The following CCDC6 variants were observed in gnomAD, a reference collection of about 807,000 sequenced individuals.
CCDC6 encodes the protein coiled-coil domain containing 6, also known as coiled-coil domain-containing protein 6.
CCDC6 carries 20 observed loss-of-function variants against 56.6 expected under a neutral mutation model. That is an observed-to-expected ratio of 0.35 (90% confidence interval 0.25 to 0.51). The LOEUF (loss-of-function observed/expected upper bound fraction) is 0.51. CCDC6 is among the 20% of genes least tolerant of loss of function. The pLI, the probability that CCDC6 is intolerant of heterozygous loss-of-function variation, is 0.95. For missense variants in CCDC6, 367 were observed against 601.1 expected (o/e 0.61, Z 4.07); for synonymous variants, 241 against 234.4 (o/e 1.03, Z -0.26).
At chr10:59,878,366 T>C (rs1039505641) in intron 1 of CCDC6, among the ~76,000 whole-genome samples, 16 of 152,200 alleles carry the variant, frequency 1.1e-4, no homozygotes, top group African/African-American at 3.9e-4. Flanking sequence ...GTCTGAGTTT[T>C]GATTCCATTT....
intron 1 of CCDC6, among the ~76,000 whole-genome samples, chr10:59,874,285 G>A (rs2132670686): frequency 6.6e-6 from 1 of 152,124 alleles, no homozygotes; most frequent in South Asian, 2.1e-4. Context: ...TGTTTTCTTT[G>A]GCACTAAACT....
intron 2 of CCDC6, among the ~76,000 whole-genome samples, chr10:59,847,470 T>C (rs1344639147): frequency 6.6e-6 from 1 of 152,174 alleles, no homozygotes; most frequent in Non-Finnish European, 1.5e-5. Context: ...ATACTAGTTC[T>C]TAATGATGTG....
intron 1 of CCDC6, among the ~76,000 whole-genome samples, chr10:59,888,311 C>T (rs1483230926): frequency 1.3e-5 from 2 of 152,240 alleles, no homozygotes; most frequent in African/African-American, 4.8e-5. Context: ...GCTGGCTGCA[C>T]AGGATGCCTC....
At chr10:59,883,262 C>T (rs1170592750) in intron 1 of CCDC6, among the ~76,000 whole-genome samples, 1 of 152,068 alleles carries the variant, frequency 6.6e-6, no homozygotes, top group Non-Finnish European at 1.5e-5. Context: ...TAAAGTATAG[C>T]AATGAGTGAA....
intron 2 of CCDC6, among the ~76,000 whole-genome samples, chr10:59,843,128 T>C (rs1192153385): frequency 6.6e-6 from 1 of 152,084 alleles, no homozygotes; most frequent in Non-Finnish European, 1.5e-5. Flanking sequence ...CCTCGTGATC[T>C]GCCCGCCTCA....
chr10:59,838,200 C>G (rs1349558705), intron 2 of CCDC6, among the ~76,000 whole-genome samples: 1 of 150,416 alleles, frequency 6.6e-6, no homozygotes, highest in Non-Finnish European at 1.5e-5. Context: ...GTTACCAAGG[C>G]CCATGAAGTC....
rs1333543672 is a variant in CCDC6, at chr10:59,887,003, A to G, written c.303+19119T>C. ...CTCTGACAGTGTAGTATGGGGCCAC[A>G]TATCTCTCATATCCTACTAATGGAA... On this transcript the variant is annotated intron_variant, in intron 1 of 8. Transcript: ENST00000263102. Among the ~76,000 whole-genome samples the G allele has an allele frequency of 2.0e-5, 3 of 152,220 alleles. No homozygotes were observed. The East Asian group carries it at 5.8e-4, about 29-fold the overall frequency.
intron 1 of CCDC6, among the ~76,000 whole-genome samples, chr10:59,881,390 T>G (rs1480465433): frequency 6.6e-6 from 1 of 152,082 alleles, no homozygotes; most frequent in Non-Finnish European, 1.5e-5. Context: ...TGTTGGGGCT[T>G]CACATGGGGG....
intron 2 of CCDC6, among the ~76,000 whole-genome samples, chr10:59,851,045 T>C (rs540127184): frequency 1.3e-4 from 18 of 136,432 alleles, no homozygotes; most frequent in Admixed American, 3.4e-4. Context: ...TGGAGATACA[T>C]AGAGAAAAGG....
At chr10:59,898,024 C>T (rs1302598825) in intron 1 of CCDC6, among the ~76,000 whole-genome samples, 1 of 152,188 alleles carries the variant, frequency 6.6e-6, no homozygotes, top group Admixed American at 6.5e-5. Context: ...GGAAGATTAG[C>T]CCATCAATCA....
chr10:59,873,576 T>A (rs1416084453), intron 1 of CCDC6, among the ~76,000 whole-genome samples: 7 of 152,102 alleles, frequency 4.6e-5, no homozygotes, highest in African/African-American at 1.7e-4. Flanking sequence ...ACTCAGTCTG[T>A]GAAACATTGT....
chr10:59,870,275 C>A (rs1305061267), intron 1 of CCDC6, among the ~76,000 whole-genome samples: 1 of 152,122 alleles, frequency 6.6e-6, no homozygotes, highest in Non-Finnish European at 1.5e-5. Flanking sequence ...TCTCCCCACC[C>A]GCCTCTGCTG....
chr10:59,822,195 G>A (rs1429347626), intron 3 of CCDC6, among the ~76,000 whole-genome samples: 1 of 152,040 alleles, frequency 6.6e-6, no homozygotes, highest in Non-Finnish European at 1.5e-5. Flanking sequence ...AATTAGATTT[G>A]TTCTTTGAAA....
At chr10:59,853,853 C>A (rs556123060) in intron 1 of CCDC6, among the ~76,000 whole-genome samples, 48 of 152,126 alleles carry the variant, frequency 3.2e-4, no homozygotes, top group Admixed American at 1.2e-3. Flanking sequence ...TCTGTAGATA[C>A]CCTCCTCTCT....
chr10:59,885,910 ACCCCG>A (rs2071379411), intron 1 of CCDC6, among the ~76,000 whole-genome samples: 1 of 49,018 alleles, frequency 2.0e-5, no homozygotes. Flanking sequence ...TCTATTTCCA[ACCCCG>A]CCCCCCGCCC....
intron 1 of CCDC6, among the ~76,000 whole-genome samples, chr10:59,865,212 T>C (rs906552704): frequency 2.0e-5 from 3 of 152,192 alleles, no homozygotes; most frequent in African/African-American, 7.2e-5. Context: ...AAGACCGGGA[T>C]ATAACATTCC....
chr10:59,843,743 TA>T (rs764915064), intron 2 of CCDC6, among the ~76,000 whole-genome samples: 1 of 152,216 alleles, frequency 6.6e-6, no homozygotes, highest in Admixed American at 6.5e-5. Context: ...CTAAGCACCA[TA>T]AGTCTGGGTT....
rs145488800 is a variant in CCDC6 at position 59,861,216 on chromosome 10, G to A, written c.304-8514C>T. 8.1e-3 allele frequency among the ~76,000 whole-genome samples: 1,228 copies of A among 151,786 alleles called. 13 individuals are homozygous for A. The highest frequency in any genetic ancestry group is 0.011 in the Non-Finnish European group (719 of 67,942). ...ATAAATTTAAAAAAAATAATAATCC[G>A]GGTGCGGTGGTGTGTGCTTGTAGTC... is the stretch of plus-strand genomic sequence containing the variant. On this transcript the variant is annotated intron_variant, in intron 1 of 8. Coordinates refer to ENST00000263102, the MANE Select transcript of CCDC6 (RefSeq NM_005436.5).
chr10:59,827,593 C>G (rs751068974), intron 3 of CCDC6, among the ~76,000 whole-genome samples: 50 of 152,090 alleles, frequency 3.3e-4, no homozygotes, highest in Non-Finnish European at 6.8e-4. Context: ...GAGATTTGAA[C>G]CCAGGGAAGT....
Sources: gnomAD v4.1 joint callset for allele counts (sites outside exome capture counted in the v4.1 genomes callset) on GRCh38, gnomAD v4.1.1 for gene constraint, MANE v1.5 for transcripts, NCBI Gene and HGNC (gene_info 2026-07-23, HGNC 2026-07-21) for gene names.